The following BNIP2 variants were observed in gnomAD, a reference collection of about 807,000 sequenced individuals.
The protein encoded by BNIP2 is BCL2 interacting protein 2.
A neutral mutation model predicts 43.4 loss-of-function variants in BNIP2; 36 were observed. That is an observed-to-expected ratio of 0.83 (90% CI 0.64 to 1.10). The LOEUF is 1.10. Among genes scored for constraint, BNIP2 ranks in the 50% least tolerant of loss-of-function variants. The pLI is 0.00. For synonymous variants in BNIP2, 146 were observed against 121.0 expected (o/e 1.21, Z -1.35); for missense variants, 417 against 374.1 (o/e 1.11, Z -0.95).
chr15:59,672,862 T>C (rs1277903316), intron 5 of BNIP2, 123 bp from the exon 6 acceptor site: 5 of 629,800 alleles, frequency 7.9e-6, no homozygotes, highest in African/African-American at 1.9e-5. Flanking sequence ...CTGTATTAAA[T>C]GTATGTTTTG....
chr15:59,671,597 G>A (rs191832071), intron 6 of BNIP2, among the ~76,000 whole-genome samples: 1 of 152,298 alleles, frequency 6.6e-6, no homozygotes, highest in African/African-American at 2.4e-5. Context: ...TGAAGTGACT[G>A]ATACATGAAG....
At chr15:59,672,883 A>G (rs1483949897) in intron 5 of BNIP2, 144 bp from the exon 6 acceptor site, 2 of 515,428 alleles carry the variant, frequency 3.9e-6, no homozygotes, top group Non-Finnish European at 3.4e-6. Context: ...TAAATCTTAT[A>G]TGGTCTTATA....
intron 7 of BNIP2, among the ~76,000 whole-genome samples, chr15:59,670,071 A>G (rs1595691149): frequency 2.6e-5 from 4 of 152,306 alleles, no homozygotes; most frequent in Admixed American, 2.6e-4. Context: ...CTGATGACTA[A>G]CTCCCAAGAC....
At chr15:59,664,988 G>A (rs1470816491) in intron 9 of BNIP2, among the ~76,000 whole-genome samples, 4 of 152,210 alleles carry the variant, frequency 2.6e-5, no homozygotes, top group East Asian at 1.9e-4. Flanking sequence ...ATTCAAGGCC[G>A]GATGCCGTGG....
chr15:59,685,318 G>T (rs1240348268), intron 1 of BNIP2, among the ~76,000 whole-genome samples: 1 of 152,114 alleles, frequency 6.6e-6, no homozygotes, highest in Non-Finnish European at 1.5e-5. Flanking sequence ...TGACCAAGAT[G>T]GTGATACCCC....
intron 4 of BNIP2, chr15:59,678,344 A>G (rs1442911649): frequency 3.4e-6 from 4 of 1,185,330 alleles, no homozygotes; most frequent in Non-Finnish European, 3.1e-6. Context: ...GTGTATCCAC[A>G]AGTTCAGAAA....
chr15:59,683,990 T>C (rs1301508717), intron 1 of BNIP2, among the ~76,000 whole-genome samples: 1 of 152,234 alleles, frequency 6.6e-6, no homozygotes, highest in Non-Finnish European at 1.5e-5. Context: ...AATGTGGTCA[T>C]GTCCTATAGC....
rs1292010832 is a variant in BNIP2 at position 59,661,700 on chromosome 15, A to G, written c.*2369T>C. ...AGATCCATGATCCCAACAGAAAGAT[A>G]AAAGTACAATCACATATACTTTCAC... is the stretch of plus-strand genomic sequence containing the variant. On this transcript the variant is annotated 3_prime_UTR_variant, in exon 10 of 10. Transcript: ENST00000607373. 6.6e-6 allele frequency: 1 copy of G among 152,248 alleles called. No homozygotes were observed. Among genetic ancestry groups the G allele is most frequent in the Non-Finnish European group, 1.5e-5 (1 of 68,038 alleles). The allele number at this position is 152,248 out of a possible 1,614,324, so 9.4% of individuals were successfully genotyped here. A position where few individuals can be genotyped will look rare whatever the true frequency, so the allele number is the denominator to read the frequency against.
intron 5 of BNIP2, chr15:59,677,085 A>G: frequency 6.2e-7 from 1 of 1,610,342 alleles, no homozygotes; most frequent in South Asian, 1.1e-5. Context: ...CTAAGAAAGC[A>G]CTACCTTCAT....
intron 2 of BNIP2, among the ~76,000 whole-genome samples, chr15:59,681,522 C>T (rs545488065): frequency 5.1e-4 from 76 of 150,288 alleles, no homozygotes; most frequent in African/African-American, 1.8e-3. Flanking sequence ...GACCTTGGCT[C>T]ACGGCAACCC....
At chr15:59,668,800 T>C (rs888413557) in intron 9 of BNIP2, 92 bp downstream of exon 9, 14 of 1,153,446 alleles carry the variant, frequency 1.2e-5, no homozygotes, top group Non-Finnish European at 8.7e-6. Flanking sequence ...TTATAAAATA[T>C]AATACATAAA....
At chr15:59,666,119 G>A (rs2141986867) in intron 9 of BNIP2, among the ~76,000 whole-genome samples, 1 of 152,220 alleles carries the variant, frequency 6.6e-6, no homozygotes, top group South Asian at 2.1e-4. Flanking sequence ...GCATCCAGTT[G>A]TTTGAAAGAA....
chr15:59,666,996 A>G (rs1235257357), intron 9 of BNIP2, among the ~76,000 whole-genome samples: 3 of 152,224 alleles, frequency 2.0e-5, no homozygotes, highest in African/African-American at 7.2e-5. Flanking sequence ...TCACTGTGAA[A>G]TCTATGAAGC....
Position 59,682,422 on chromosome 15 carries a change from A to T in BNIP2, c.36T>A (p.Asp12Glu). 6.2e-7 allele frequency: 1 copy of T among 1,612,722 alleles called. No individual in the cohort carries two copies. Among genetic ancestry groups the T allele is most frequent in the Non-Finnish European group, 8.5e-7 (1 of 1,179,444 alleles). ...EGVELKEEWQDEDFPIPLPED... is the reference protein window; with the variant it reads ...EGVELKEEWQEEDFPIPLPED... ...GCATTGCTCACATCGGAAAATCTTCATCTTGCCATTCTTCTTTAAGTTCCA... is the reference window on the plus strand; with the variant it reads ...GCATTGCTCACATCGGAAAATCTTCTTCTTGCCATTCTTCTTTAAGTTCCA... The change falls in exon 2 of 10, where the codon GAT (aspartate) becomes GAA (glutamate). Residue 12 changes from aspartate to glutamate, a missense_variant. Transcript: ENST00000607373.
chr15:59,669,056 A>G, intron 8 of BNIP2, 66 bp from the exon 9 acceptor site: 1 of 1,357,438 alleles, frequency 7.4e-7, no homozygotes, highest in Non-Finnish European at 1.0e-6. Flanking sequence ...CAATGTTTAC[A>G]AGATACAAAA....
chr15:59,674,684 C>A (rs1056213754), intron 5 of BNIP2, among the ~76,000 whole-genome samples: 1 of 152,114 alleles, frequency 6.6e-6, no homozygotes, highest in South Asian at 2.1e-4. Flanking sequence ...GACCCATATG[C>A]CCTCCGTCCT....
At position 59,662,211 on chromosome 15, in the gene BNIP2, T is replaced by C. The variant is rs1163675314; in HGVS notation, c.*1858A>G. 3 of 152,212 alleles carry C rather than the reference T, an allele frequency of 2.0e-5. No homozygotes were observed. Among genetic ancestry groups the C allele is most frequent in the South Asian group, 2.1e-4 (1 of 4,832 alleles). 9.4% of individuals were successfully genotyped at this position (152,212 alleles called of 1,614,324 possible). On this transcript the variant is annotated 3_prime_UTR_variant, in exon 10 of 10. Coordinates refer to ENST00000607373, the MANE Select transcript of BNIP2 (RefSeq NM_004330.4). ...CAGCCCATTTTGAGCAAGATAAAGA[T>C]GTACAGATGAAAGACTACGTTAAAT...
intron 5 of BNIP2, chr15:59,677,227 A>G (rs865818411): frequency 1.3e-6 from 2 of 1,595,954 alleles, no homozygotes; most frequent in Admixed American, 1.7e-5. Context: ...CCCGTCTTCC[A>G]GAGTGCCAAG....
intron 5 of BNIP2, among the ~76,000 whole-genome samples, chr15:59,673,534 C>T (rs551791711): frequency 1.3e-5 from 2 of 152,308 alleles, no homozygotes; most frequent in East Asian, 3.9e-4. Flanking sequence ...AAGGGATCTT[C>T]CCACCTCATA....
Sources: gnomAD v4.1 joint callset for allele counts (sites outside exome capture counted in the v4.1 genomes callset) on GRCh38, gnomAD v4.1.1 for gene constraint, MANE v1.5 for transcripts, NCBI Gene and HGNC (gene_info 2026-07-23, HGNC 2026-07-21) for gene names.